Variants in HEPH observed in about 807,000 individuals in gnomAD.
HEPH encodes the protein hephaestin.
A neutral mutation model predicts 80.8 loss-of-function variants in HEPH; 69 were observed. The observed-to-expected ratio is 0.85, with a 90% CI of 0.70 to 1.04. The LOEUF (loss-of-function observed/expected upper bound fraction) is 1.04. Ranked by LOEUF, HEPH falls within the 50% of genes least tolerant of loss-of-function variation. The probability of loss-of-function intolerance (pLI) is 0.00; values close to 1 mark genes in which losing one functional copy is unlikely to be tolerated. For missense variants in HEPH, 1,115 were observed against 891.3 expected, an observed-to-expected ratio of 1.25 and a Z score of -3.20; for synonymous variants, 431 against 322.8, an observed-to-expected ratio of 1.34 and a Z score of -3.60.
chrX:66,257,504 G>A (rs1190410016), intron 17 of HEPH, among the ~76,000 whole-genome samples: 2 of 112,161 alleles, frequency 1.8e-5, no homozygotes, highest in Non-Finnish European at 3.8e-5. Context: ...TTAATACTAA[G>A]AAGGCTAATT....
intron 20 of HEPH, among the ~76,000 whole-genome samples, chrX:66,265,082 G>A (rs1295671905): frequency 9.1e-6 from 1 of 110,348 alleles, no homozygotes; most frequent in Admixed American, 9.8e-5. Context: ...TGTCACAAAA[G>A]GAGTATGTGG....
intron 15 of HEPH, among the ~76,000 whole-genome samples, chrX:66,222,022 C>T (rs2089673202): frequency 8.9e-6 from 1 of 112,725 alleles, no homozygotes; most frequent in Admixed American, 9.3e-5. Flanking sequence ...ACAAGTGCCA[C>T]TCCAGTTATT....
Position 66,258,999 on chromosome X carries a change from G to A in HEPH, c.3036+20G>A. On this transcript the variant is annotated intron_variant, in intron 18 of 20. Transcript: ENST00000343002. ...TATCGGGTGAGCTGGAAAATGGGCT[G>A]AGTCCCTCAAGGATGATTAGAACAG... The A allele has an allele frequency of 4.2e-6, 5 of 1,190,299 alleles. No homozygotes were observed. The highest frequency in any genetic ancestry group is 2.4e-4 in the Middle Eastern group (1 of 4,215).
intron 12 of HEPH, among the ~76,000 whole-genome samples, chrX:66,202,460 C>T (rs925861481): frequency 9.0e-6 from 1 of 111,342 alleles, no homozygotes; most frequent in Non-Finnish European, 1.9e-5. Flanking sequence ...TTCTTTTGAT[C>T]GACATTGAGT....
chrX:66,195,478 G>A (rs938297281), intron 9 of HEPH, among the ~76,000 whole-genome samples: 3 of 111,012 alleles, frequency 2.7e-5, no homozygotes, highest in Admixed American at 9.6e-5. Context: ...CTGAAAAGCA[G>A]ACAATTACAA....
intron 20 of HEPH, 95 bp from the exon 21 acceptor site, chrX:66,266,345 G>T: frequency 8.2e-6 from 5 of 608,553 alleles, no homozygotes; most frequent in South Asian, 5.7e-5. Context: ...TGTCCTATTT[G>T]GATTGACTTG....
intron 8 of HEPH, among the ~76,000 whole-genome samples, chrX:66,194,654 TTAGA>T (rs779087107): frequency 3.6e-5 from 4 of 111,638 alleles, no homozygotes; most frequent in Non-Finnish European, 7.5e-5. Flanking sequence ...AGCACAGATC[TTAGA>T]TAGGTCCACA....
intron 15 of HEPH, among the ~76,000 whole-genome samples, chrX:66,248,984 G>C (rs955541120): frequency 1.8e-5 from 2 of 111,559 alleles, no homozygotes; most frequent in Non-Finnish European, 3.8e-5. Flanking sequence ...CAGTGTTGTG[G>C]AGGTGGGTGT....
rs1358580324 is a variant in HEPH, at chrX:66,241,814, G to T, written c.2564-13221G>T. On this transcript the variant is annotated intron_variant, in intron 15 of 20. Coordinates refer to ENST00000343002, the MANE Select transcript of HEPH (RefSeq NM_001367233.3). Reference sequence around the variant, plus strand: ...CTTAGGAATAGAGCAATTCAGGGAGGTGGAGGATGTCTGTAACAGAATTAC... The same window carrying T: ...CTTAGGAATAGAGCAATTCAGGGAGTTGGAGGATGTCTGTAACAGAATTAC... Among the ~76,000 whole-genome samples, 3 of 110,942 alleles carry T rather than the reference G, an allele frequency of 2.7e-5. No homozygotes were observed. The South Asian group carries it at 1.1e-3, about 42-fold the overall frequency.
At chrX:66,189,557 A>G (rs971683194) in intron 5 of HEPH, 127 bp from the exon 6 acceptor site, 6 of 682,180 alleles carry the variant, frequency 8.8e-6, no homozygotes, top group Middle Eastern at 4.7e-4. Flanking sequence ...AAGATAATAC[A>G]TAGGTCAACA....
intron 16 of HEPH, 69 bp from the exon 17 acceptor site, chrX:66,256,036 C>A (rs1319956268): frequency 2.5e-6 from 2 of 809,431 alleles, no homozygotes; most frequent in Non-Finnish European, 3.6e-6. Flanking sequence ...AAGCTGGCTC[C>A]CTGCGGAGTA....
chrX:66,213,996 TC>T (rs1488165456), intron 15 of HEPH, among the ~76,000 whole-genome samples: 1 of 112,388 alleles, frequency 8.9e-6, no homozygotes, highest in Non-Finnish European at 1.9e-5. Context: ...GATTACAGTT[TC>T]TTTTATCTCA....
chrX:66,198,804 T>C (rs1401361530), intron 10 of HEPH, 74 bp from the exon 11 acceptor site: 5 of 777,606 alleles, frequency 6.4e-6, no homozygotes, highest in African/African-American at 4.1e-5. Context: ...CATCCCTTGA[T>C]CTGTAACGAC....
chrX:66,211,810 G>T (rs1012638609), intron 15 of HEPH, among the ~76,000 whole-genome samples: 1 of 111,568 alleles, frequency 9.0e-6, no homozygotes, highest in African/African-American at 3.2e-5. Context: ...ATAAGTGCAG[G>T]TATTCCATTG....
chrX:66,194,010 G>A (rs947489041), intron 8 of HEPH, among the ~76,000 whole-genome samples: 1 of 111,464 alleles, frequency 9.0e-6, no homozygotes, highest in Non-Finnish European at 1.9e-5. Context: ...GACTGTATAG[G>A]TTCTCAGCAA....
chrX:66,263,300 G>A (rs1482766700), intron 19 of HEPH, among the ~76,000 whole-genome samples: 1 of 111,480 alleles, frequency 9.0e-6, no homozygotes, highest in Admixed American at 9.5e-5. Flanking sequence ...AGAGAAGTAG[G>A]TTTCACAAGG....
chrX:66,240,965 G>A (rs1232781193), intron 15 of HEPH, among the ~76,000 whole-genome samples: 1 of 112,017 alleles, frequency 8.9e-6, no homozygotes, highest in Admixed American at 9.5e-5. Flanking sequence ...GCCAAGGCAG[G>A]CAGATTGCTT....
chrX:66,207,078 CTT>C, intron 13 of HEPH, 115 bp from the exon 14 acceptor site: 11 of 441,361 alleles, frequency 2.5e-5, no homozygotes, highest in South Asian at 7.1e-5. Context: ...GGTCCCCCCC[CTT>C]TTTTTTTTCT....
At chrX:66,174,449 T>C (rs2086721076) in intron 4 of HEPH, among the ~76,000 whole-genome samples, 1 of 112,274 alleles carries the variant, frequency 8.9e-6, no homozygotes, top group African/African-American at 3.2e-5. Flanking sequence ...TTTGCAATTG[T>C]GAATTGTGCC....
Sources: gnomAD v4.1 joint callset for allele counts (sites outside exome capture counted in the v4.1 genomes callset) on GRCh38, gnomAD v4.1.1 for gene constraint, MANE v1.5 for transcripts, NCBI Gene and HGNC (gene_info 2026-07-23, HGNC 2026-07-21) for gene names.